CSMD1: variants seen among roughly 807,000 people sequenced by gnomAD.
The protein encoded by CSMD1 is CUB and Sushi multiple domains 1, also known as CUB and sushi domain-containing protein 1.
Under a neutral mutation model 417.5 loss-of-function variants are expected in CSMD1, and 213 were observed. The ratio of observed to expected loss-of-function variants is 0.51; its 90% CI spans 0.46 to 0.57. The LOEUF is 0.57. Ranked by LOEUF, CSMD1 falls within the 20% of genes least tolerant of loss-of-function variation. The pLI is 0.00. For missense variants in CSMD1, 6,923 were observed against 4,529.7 expected (o/e 1.53, Z -15.17); for synonymous variants, 2,862 against 1,736.8 (o/e 1.65, Z -16.11).
At chr8:4,787,812 TG>T (rs1444721034) in intron 1 of CSMD1, 232 of 1,575,066 alleles carry the variant, frequency 1.5e-4, no homozygotes, top group Non-Finnish European at 9.1e-5. Flanking sequence ...TCATGAGTCA[TG>T]CTACACAGGC....
chr8:4,018,486 G>C (rs1279726079), intron 4 of CSMD1, among the ~76,000 whole-genome samples: 1 of 152,142 alleles, frequency 6.6e-6, no homozygotes, highest in East Asian at 1.9e-4. Context: ...CAAGGAGCAG[G>C]TGGAGGAAGG....
At position 3,084,651 on chromosome 8, in the gene CSMD1, T is replaced by C. The variant is rs150869496; in HGVS notation, c.7474+2446A>G. On this transcript the variant is annotated intron_variant, in intron 49 of 69. Transcript: ENST00000635120. The stretch of plus-strand genomic sequence containing the variant: ...TCACACATTTATATTTTATATTTAA[T>C]ATAGCTAAATCACCTTTAACAATTC... Among the ~76,000 whole-genome samples, 191 of 152,192 alleles carry C rather than the reference T, an allele frequency of 1.3e-3. 1 individual carries two copies. The highest frequency in any genetic ancestry group is 4.3e-3 in the African/African-American group (179 of 41,562).
intron 5 of CSMD1, among the ~76,000 whole-genome samples, chr8:3,842,233 G>A (rs1241317033): frequency 3.3e-5 from 5 of 151,964 alleles, no homozygotes; most frequent in Non-Finnish European, 5.9e-5. Flanking sequence ...TCATCTGCTT[G>A]TCCATTTCTC....
chr8:4,398,648 G>A (rs557721998), intron 3 of CSMD1, among the ~76,000 whole-genome samples: 1 of 151,886 alleles, frequency 6.6e-6, no homozygotes, highest in Non-Finnish European at 1.5e-5. Context: ...GCCCCTCTTG[G>A]CCTCCCAAAG....
intron 12 of CSMD1, among the ~76,000 whole-genome samples, chr8:3,454,030 CTCT>C (rs1815936781): frequency 6.6e-6 from 1 of 152,120 alleles, no homozygotes. Context: ...GGATAGTTAG[CTCT>C]TCTTGTTGAA....
intron 1 of CSMD1, among the ~76,000 whole-genome samples, chr8:4,862,964 G>C (rs1208027437): frequency 6.6e-6 from 1 of 151,978 alleles, no homozygotes; most frequent in Non-Finnish European, 1.5e-5. Flanking sequence ...ACAAAGCCAA[G>C]TCAGGGTGCC....
chr8:2,988,784 T>G (rs1806141791), intron 54 of CSMD1, among the ~76,000 whole-genome samples: 1 of 152,188 alleles, frequency 6.6e-6, no homozygotes, highest in African/African-American at 2.4e-5. Flanking sequence ...AATCTGAGTT[T>G]TCTAATTGAT....
In CSMD1 at chr8:4,039,977, G is replaced by A. The variant is rs538887874; in HGVS notation, c.416-7878C>T. 2.0e-5 allele frequency among the ~76,000 whole-genome samples: 3 copies of A among 152,278 alleles called. 1 individual carries two copies. Among genetic ancestry groups the A allele is most frequent in the African/African-American group, 7.2e-5 (3 of 41,560 alleles). On this transcript the variant is annotated intron_variant, in intron 3 of 69. Transcript: ENST00000635120. ...AATTGTAAAAAGATATCACAAATCA[G>A]GGCACTCGGTACAGGTTAAGTGCCC... is the stretch of plus-strand genomic sequence containing the variant.
chr8:4,380,503 C>T (rs576243641), intron 3 of CSMD1, among the ~76,000 whole-genome samples: 4 of 152,264 alleles, frequency 2.6e-5, no homozygotes, highest in South Asian at 2.1e-4. Flanking sequence ...CCTGAGAAAC[C>T]GTCACAGCCA....
chr8:4,656,733 T>C (rs1169166163), intron 1 of CSMD1, among the ~76,000 whole-genome samples: 1 of 151,902 alleles, frequency 6.6e-6, no homozygotes, highest in Non-Finnish European at 1.5e-5. Context: ...AGAACAGTGT[T>C]TGGGGACACT....
At chr8:4,464,868 T>A (rs149463903) in intron 2 of CSMD1, among the ~76,000 whole-genome samples, 6 of 152,116 alleles carry the variant, frequency 3.9e-5, no homozygotes, top group African/African-American at 1.4e-4. Flanking sequence ...GTGTTAGTTT[T>A]ATTAGTTTTT....
At chr8:3,733,723 G>T (rs1019902276) in intron 6 of CSMD1, among the ~76,000 whole-genome samples, 1 of 152,094 alleles carries the variant, frequency 6.6e-6, no homozygotes. Flanking sequence ...GGACGCCCAT[G>T]GGGTTGTGGT....
At chr8:3,939,207 G>C (rs1005206609) in intron 5 of CSMD1, among the ~76,000 whole-genome samples, 2 of 151,938 alleles carry the variant, frequency 1.3e-5, no homozygotes, top group South Asian at 2.1e-4. Context: ...CAACACAAAA[G>C]TAATTCATCA....
chr8:4,313,567 G>A (rs906027910), intron 3 of CSMD1, among the ~76,000 whole-genome samples: 1 of 151,728 alleles, frequency 6.6e-6, no homozygotes, highest in South Asian at 2.1e-4. Flanking sequence ...TTATGGGAGG[G>A]AAAGAAGAAT....
At chr8:3,566,398 C>T (rs1410992728) in intron 10 of CSMD1, among the ~76,000 whole-genome samples, 5 of 151,996 alleles carry the variant, frequency 3.3e-5, no homozygotes, top group African/African-American at 1.2e-4. Flanking sequence ...CGAACGGACC[C>T]AGGACATACA....
chr8:3,308,046 A>C (rs1017526226), intron 24 of CSMD1, among the ~76,000 whole-genome samples: 9 of 150,160 alleles, frequency 6.0e-5, no homozygotes, highest in African/African-American at 2.0e-4. Context: ...AAGCAATAAG[A>C]CACTCATGTG....
intron 37 of CSMD1, among the ~76,000 whole-genome samples, chr8:3,174,605 T>C (rs1820792217): frequency 6.6e-6 from 1 of 152,176 alleles, no homozygotes; most frequent in South Asian, 2.1e-4. Flanking sequence ...AATATAGAAC[T>C]AAGAGCTTAT....
chr8:4,153,833 C>T (rs1796691448), intron 3 of CSMD1, among the ~76,000 whole-genome samples: 1 of 152,224 alleles, frequency 6.6e-6, no homozygotes, highest in Admixed American at 6.5e-5. Context: ...CGGAACGTCA[C>T]ATGCAAGTGG....
chr8:4,600,738 A>C lies in CSMD1; in HGVS notation c.302+36604T>G, dbSNP rs1344016252. ...ACAGAAAGACAGAGGGTGTAAACTC[A>C]TCTGCTCTTTATGGGAACTAAGGCG... On this transcript the variant is annotated intron_variant, in intron 2 of 69. Coordinates refer to ENST00000635120, the MANE Select transcript of CSMD1 (RefSeq NM_033225.6). 2.0e-5 allele frequency among the ~76,000 whole-genome samples: 3 copies of C among 152,176 alleles called. 1 individual carries two copies. The highest frequency in any genetic ancestry group is 4.4e-5 in the Non-Finnish European group (3 of 68,032).
Sources: gnomAD v4.1 joint callset for allele counts (sites outside exome capture counted in the v4.1 genomes callset) on GRCh38, gnomAD v4.1.1 for gene constraint, MANE v1.5 for transcripts, NCBI Gene and HGNC (gene_info 2026-07-23, HGNC 2026-07-21) for gene names.